The following PDE1C variants were observed in gnomAD, a reference collection of about 807,000 sequenced individuals.
The protein encoded by PDE1C is dual specificity calcium/calmodulin-dependent 3',5'-cyclic nucleotide phosphodiesterase 1C.
In PDE1C, 62 loss-of-function variants were observed where a neutral mutation model predicts 93.1. That is an observed-to-expected ratio of 0.67 (90% CI 0.54 to 0.82). PDE1C has a LOEUF of 0.82. Ranked by LOEUF, PDE1C falls within the 40% of genes least tolerant of loss-of-function variation. PDE1C has a pLI of 0.00. For synonymous variants in PDE1C, 325 were observed against 310.1 expected, an observed-to-expected ratio of 1.05 and a Z score of -0.50; for missense variants, 742 against 884.6, an observed-to-expected ratio of 0.84 and a Z score of 2.04.
chr7:31,845,682 A>G (rs1792480936), intron 9 of PDE1C, among the ~76,000 whole-genome samples: 1 of 152,120 alleles, frequency 6.6e-6, no homozygotes, highest in Non-Finnish European at 1.5e-5. Flanking sequence ...AAATTTTTAA[A>G]AAGGTTTGAA....
At chr7:32,030,100 C>G (rs1216460019) in intron 2 of PDE1C, among the ~76,000 whole-genome samples, 1 of 151,326 alleles carries the variant, frequency 6.6e-6, no homozygotes, top group Non-Finnish European at 1.5e-5. Context: ...CACACACACA[C>G]ACACACACAC....
intron 17 of PDE1C, among the ~76,000 whole-genome samples, chr7:31,760,104 A>C (rs1475772176): frequency 2.6e-5 from 4 of 152,142 alleles, no homozygotes; most frequent in African/African-American, 9.7e-5. Flanking sequence ...TTGTGGGGAG[A>C]GGGTTTCCTC....
At chr7:31,889,106 T>G (rs1798312984) in intron 2 of PDE1C, among the ~76,000 whole-genome samples, 1 of 152,230 alleles carries the variant, frequency 6.6e-6, no homozygotes. Flanking sequence ...TAGATTAAAT[T>G]ACAAACAAAT....
intron 17 of PDE1C, among the ~76,000 whole-genome samples, chr7:31,770,293 T>C (rs112227522): frequency 8.2e-4 from 125 of 152,354 alleles, no homozygotes; most frequent in African/African-American, 3.0e-3. Flanking sequence ...ATATTCTGGA[T>C]ACAAGATCCT....
At chr7:32,221,361 G>T (rs1433363909) in intron 1 of PDE1C, among the ~76,000 whole-genome samples, 2 of 152,180 alleles carry the variant, frequency 1.3e-5, no homozygotes, top group Non-Finnish European at 2.9e-5. Context: ...AGAAGTGGAA[G>T]GCACCTAGGA....
chr7:31,987,758 A>AT (rs1197671379), intron 2 of PDE1C, among the ~76,000 whole-genome samples: 2 of 152,230 alleles, frequency 1.3e-5, no homozygotes, highest in Non-Finnish European at 2.9e-5. Context: ...GTCAGTAATA[A>AT]AATCCCTCTG....
At chr7:32,155,786 A>C (rs1801533586) in intron 3 of PDE1C, among the ~76,000 whole-genome samples, 1 of 152,230 alleles carries the variant, frequency 6.6e-6, no homozygotes, top group Non-Finnish European at 1.5e-5. Flanking sequence ...GGCTCAGCTT[A>C]AATGGTGTGC....
At chr7:31,993,674 T>C (rs1431925769) in intron 2 of PDE1C, among the ~76,000 whole-genome samples, 1 of 152,108 alleles carries the variant, frequency 6.6e-6, no homozygotes, top group East Asian at 1.9e-4. Context: ...AAAAAACAAA[T>C]AGCTTGAATT....
At chr7:31,663,442 A>G in the PDE1C span, among the ~76,000 whole-genome samples, 4 of 152,318 alleles carry the variant, frequency 2.6e-5, no homozygotes, top group South Asian at 4.1e-4. Context: ...GAGAGAGTTT[A>G]TCTTGCAGTT....
At chr7:32,402,551 C>T (rs1784969806) in intron 1 of PDE1C, among the ~76,000 whole-genome samples, 1 of 152,102 alleles carries the variant, frequency 6.6e-6, no homozygotes. Flanking sequence ...CGATGCCCAC[C>T]CACATTGGTG....
chr7:31,728,006 T>A, the PDE1C span, among the ~76,000 whole-genome samples: 4 of 152,148 alleles, frequency 2.6e-5, no homozygotes, highest in African/African-American at 9.7e-5. Context: ...ATCTCACCAC[T>A]CCACTCCAGC....
At chr7:32,343,089 A>G (rs1225528508) in intron 1 of PDE1C, among the ~76,000 whole-genome samples, 3 of 152,282 alleles carry the variant, frequency 2.0e-5, no homozygotes, top group East Asian at 1.9e-4. Flanking sequence ...AGAATCGGCC[A>G]CCAGAGGCTG....
chr7:32,075,421 C>T (rs1226552709), upstream of PDE1C, among the ~76,000 whole-genome samples: 2 of 152,136 alleles, frequency 1.3e-5, no homozygotes, highest in African/African-American at 4.8e-5. Context: ...AGATGTGAGG[C>T]GGCCCCCACA....
In PDE1C at chr7:32,232,891, C is replaced by A. The variant is rs78846962; in HGVS notation, c.86-23352G>T. Among the ~76,000 whole-genome samples the A allele has an allele frequency of 5.9e-3, 896 of 152,306 alleles. 12 individuals carry two copies. The highest frequency in any genetic ancestry group is 0.02 in the African/African-American group (833 of 41,558). On this transcript the variant is annotated intron_variant, in intron 1 of 18. Coordinates refer to the PDE1C transcript ENST00000396193. ...GTCAAAACTTTCAATCCAAACTCAA[C>A]TGGGTCAACTGGCTGCCAAAACAAA...
At chr7:31,623,481 T>G in the PDE1C span, among the ~76,000 whole-genome samples, 1 of 151,348 alleles carries the variant, frequency 6.6e-6, no homozygotes, top group African/African-American at 2.4e-5. Flanking sequence ...ATCAAGCACA[T>G]AAACAGAACC....
chr7:32,077,891 G>T, intron 3 of PDE1C: 1 of 985,306 alleles, frequency 1.0e-6, no homozygotes, highest in Non-Finnish European at 1.2e-6. Flanking sequence ...AAATGAGGTG[G>T]TGAAGGTCCA....
intron 1 of PDE1C, among the ~76,000 whole-genome samples, chr7:32,231,099 G>T (rs1807660495): frequency 6.6e-6 from 1 of 152,168 alleles, no homozygotes; most frequent in South Asian, 2.1e-4. Context: ...GTCCCATTTT[G>T]CAAGTGAACA....
chr7:32,074,342 G>A (rs1474877713), upstream of PDE1C, among the ~76,000 whole-genome samples: 1 of 152,136 alleles, frequency 6.6e-6, no homozygotes, highest in Non-Finnish European at 1.5e-5. Flanking sequence ...ACCAGTTTTT[G>A]AGAACTATCA....
chr7:32,182,347 C>G (rs7806021), intron 2 of PDE1C, among the ~76,000 whole-genome samples: 1 of 152,052 alleles, frequency 6.6e-6, no homozygotes, highest in Non-Finnish European at 1.5e-5. Flanking sequence ...ACACAACAAA[C>G]AAAGAGAATT....
Sources: allele counts gnomAD v4.1 joint callset (sites outside exome capture counted in the v4.1 genomes callset), GRCh38; gene constraint gnomAD v4.1.1; transcripts MANE v1.5; gene names NCBI Gene and HGNC (gene_info 2026-07-23, HGNC 2026-07-21).